THSD7A: variants seen among roughly 807,000 people sequenced by gnomAD.
THSD7A encodes thrombospondin type-1 domain-containing protein 7A.
Under a neutral mutation model 231.3 loss-of-function variants are expected in THSD7A, and 96 were observed. The observed-to-expected ratio is 0.41, with a 90% confidence interval of 0.35 to 0.49. The LOEUF (loss-of-function observed/expected upper bound fraction) is 0.49, where lower values mean the gene tolerates loss of function less well. THSD7A is among the 20% of genes least tolerant of loss of function. The pLI, the probability that THSD7A is intolerant of heterozygous loss-of-function variation, is 0.05. For synonymous variants in THSD7A, 940 were observed against 743.3 expected, an observed-to-expected ratio of 1.26 and a Z score of -4.30; for missense variants, 2,290 against 2,070.2, an observed-to-expected ratio of 1.11 and a Z score of -2.06.
intron 1 of THSD7A, among the ~76,000 whole-genome samples, chr7:11,803,700 T>C (rs1465198970): frequency 1.3e-5 from 2 of 152,172 alleles, no homozygotes; most frequent in African/African-American, 4.8e-5. Flanking sequence ...AGCGGAATCT[T>C]TAATTCTATG....
chr7:11,466,999 C>T (rs1391204887), intron 9 of THSD7A, among the ~76,000 whole-genome samples: 8 of 152,090 alleles, frequency 5.3e-5, no homozygotes, highest in South Asian at 4.1e-4. Context: ...TATCTACCCG[C>T]ATAACACGAT....
chr7:11,754,584 C>T (rs891300123), intron 1 of THSD7A, among the ~76,000 whole-genome samples: 8 of 152,166 alleles, frequency 5.3e-5, no homozygotes, highest in Admixed American at 3.9e-4. Context: ...TTTATTTCTG[C>T]TTTTATGATT....
At chr7:11,813,395 A>G (rs1784587159) in intron 1 of THSD7A, among the ~76,000 whole-genome samples, 1 of 152,160 alleles carries the variant, frequency 6.6e-6, no homozygotes, top group Non-Finnish European at 1.5e-5. Flanking sequence ...AAAACATAGT[A>G]TGTATTATGC....
At chr7:11,555,007 C>T (rs1054233883) in intron 4 of THSD7A, among the ~76,000 whole-genome samples, 3 of 151,728 alleles carry the variant, frequency 2.0e-5, no homozygotes, top group African/African-American at 7.3e-5. Context: ...TCTTTTATCA[C>T]CCTTGCTAGA....
intron 1 of THSD7A, among the ~76,000 whole-genome samples, chr7:11,817,230 A>G (rs1339606699): frequency 6.6e-6 from 1 of 152,210 alleles, no homozygotes; most frequent in Non-Finnish European, 1.5e-5. Flanking sequence ...TATACTTCCA[A>G]CATCCTTTCA....
At chr7:11,387,937 A>G (rs1425986746) in intron 23 of THSD7A, among the ~76,000 whole-genome samples, 1 of 152,130 alleles carries the variant, frequency 6.6e-6, no homozygotes, top group African/African-American at 2.4e-5. Flanking sequence ...GAATTTTGAC[A>G]AAGGCCTTTT....
chr7:11,399,737 G>C (rs755380362), intron 23 of THSD7A, among the ~76,000 whole-genome samples: 2 of 152,164 alleles, frequency 1.3e-5, no homozygotes, highest in African/African-American at 4.8e-5. Context: ...TTCAGCTATC[G>C]TGGAAGACAG....
Position 11,375,824 on chromosome 7 carries a change from G to T in THSD7A, c.4944C>A (p.Thr1648=), listed in dbSNP as rs1250570920. Residue 1648 remains threonine (T), a synonymous_variant, in exon 28 of 28, where the codon ACC becomes ACA. Coordinates refer to ENST00000423059, the MANE Select transcript of THSD7A (RefSeq NM_015204.3). ...RRQNNRLKPL[T]LAYDGDADM is the part of the protein sequence containing the mutation. ...TGTCGGCATCTCCATCATAGGCTAA[G>T]GTTAAAGGTTTCAGTCGGTTGTTTT... The T allele has an allele frequency of 6.2e-7, 1 of 1,612,786 alleles. No homozygotes were observed. The highest frequency in any genetic ancestry group is 2.2e-5 in the East Asian group (1 of 44,830).
intron 1 of THSD7A, among the ~76,000 whole-genome samples, chr7:11,668,188 G>A (rs1365577686): frequency 3.3e-5 from 5 of 152,120 alleles, no homozygotes. Flanking sequence ...TAATTGGGAG[G>A]CCTACAAGGG....
intron 1 of THSD7A, among the ~76,000 whole-genome samples, chr7:11,699,805 T>C (rs972243689): frequency 6.6e-6 from 1 of 151,244 alleles, no homozygotes; most frequent in African/African-American, 2.4e-5. Flanking sequence ...ATCCGACTTA[T>C]TGAATCTCAT....
intron 23 of THSD7A, among the ~76,000 whole-genome samples, chr7:11,391,026 C>CTTTTGTCCCCTACTGGG (rs1232454331): frequency 6.6e-6 from 1 of 152,200 alleles, no homozygotes; most frequent in Non-Finnish European, 1.5e-5. Flanking sequence ...TATGAAGTGT[C>CTTTTGTCCCCTACTGGG]TTTTGTCCCC....
intron 2 of THSD7A, among the ~76,000 whole-genome samples, chr7:11,594,106 A>C (rs182221207): frequency 2.2e-4 from 34 of 152,308 alleles, no homozygotes; most frequent in African/African-American, 6.3e-4. Context: ...TGAAAAGAGT[A>C]GACTGGCCTA....
At position 11,446,266 on chromosome 7, in the gene THSD7A, A is replaced by C; in HGVS notation, c.2859T>G (p.Thr953=). ...KNSHLYPLIE[T]QYCPCDKYNA... ...TATATTTGTCACAAGGACAATACTG[A>C]GTCTCAATCAGGGGATACAAATGGG... Residue 953 remains threonine, a synonymous_variant, in exon 13 of 28, where the codon ACT becomes ACG. Coordinates refer to ENST00000423059, the MANE Select transcript of THSD7A (RefSeq NM_015204.3). The surrounding 1 kb of genome is among the most constrained non-coding windows in gnomAD (Gnocchi z 4.0). The C allele has an allele frequency of 6.2e-7, 1 of 1,613,304 alleles. No individual in the cohort carries two copies. The highest frequency in any genetic ancestry group is 8.5e-7 in the Non-Finnish European group (1 of 1,179,506).
intron 2 of THSD7A, among the ~76,000 whole-genome samples, chr7:11,613,386 T>C (rs552235650): frequency 9.9e-5 from 15 of 152,276 alleles, no homozygotes; most frequent in Non-Finnish European, 1.8e-4. Context: ...TAGTTTCAGC[T>C]CATTTAGGGT....
intron 1 of THSD7A, among the ~76,000 whole-genome samples, chr7:11,829,488 G>A (rs1047869282): frequency 6.6e-6 from 1 of 152,074 alleles, no homozygotes; most frequent in African/African-American, 2.4e-5. Flanking sequence ...TCCTGTCCCA[G>A]ATCTTCATCC....
intron 1 of THSD7A, among the ~76,000 whole-genome samples, chr7:11,709,637 G>A (rs1298384041): frequency 6.6e-6 from 1 of 150,862 alleles, no homozygotes; most frequent in Non-Finnish European, 1.5e-5. Context: ...AGACACATAT[G>A]TAGTCGTTTA....
intron 1 of THSD7A, among the ~76,000 whole-genome samples, chr7:11,646,372 A>T (rs1254331364): frequency 2.0e-5 from 3 of 152,080 alleles, no homozygotes; most frequent in Non-Finnish European, 4.4e-5. Flanking sequence ...GAAATTGTTG[A>T]TCATAACAAA....
rs1330004471 is a variant in THSD7A at position 11,444,810 on chromosome 7, TAAA to T, written c.3064+1248_3064+1250del. On this transcript the variant is annotated intron_variant, in intron 13 of 27. Coordinates refer to ENST00000423059, the MANE Select transcript of THSD7A (RefSeq NM_015204.3). The surrounding 1 kb of genome is among the most constrained non-coding windows in gnomAD (Gnocchi z 4.2). ...GTGTGTGTGTGTGTGTGTGTGTGTA[TAAA>T]CTATATATATAATTAAACTATATAT... Among the ~76,000 whole-genome samples, 4 of 148,018 alleles carry T rather than the reference TAAA, an allele frequency of 2.7e-5. No homozygotes were observed. The highest frequency in any genetic ancestry group is 7.4e-5 in the African/African-American group (3 of 40,512).
chr7:11,530,864 A>G (rs1396246162), intron 6 of THSD7A, among the ~76,000 whole-genome samples: 1 of 152,064 alleles, frequency 6.6e-6, no homozygotes, highest in South Asian at 2.1e-4. Context: ...TACAAAAATT[A>G]GCCATGCATG....
Sources: gnomAD v4.1 joint callset for allele counts (sites outside exome capture counted in the v4.1 genomes callset) on GRCh38, gnomAD v4.1.1 for gene constraint, Gnocchi (gnomAD v3.1) non-coding constraint, MANE v1.5 for transcripts, NCBI Gene and HGNC (gene_info 2026-07-23, HGNC 2026-07-21) for gene names.